Variants in GDAP2 observed in about 807,000 individuals in gnomAD.
GDAP2 encodes ganglioside induced differentiation associated protein 2.
In GDAP2, 51 loss-of-function variants were observed where a neutral mutation model predicts 67.0. That is an observed-to-expected ratio of 0.76 (90% CI 0.61 to 0.96). The LOEUF is 0.96. Among genes scored for constraint, GDAP2 ranks in the 40% least tolerant of loss-of-function variants. GDAP2 has a pLI of 0.00. For missense variants in GDAP2, 547 were observed against 588.3 expected (o/e 0.93, Z 0.73); for synonymous variants, 203 against 207.3 (o/e 0.98, Z 0.18).
Position 117,878,082 on chromosome 1 carries a change from A to G in GDAP2, c.1373T>C (p.Leu458Pro). 6.2e-7 allele frequency: 1 copy of G among 1,612,328 alleles called. No individual in the cohort carries two copies. Among genetic ancestry groups the G allele is most frequent in the Non-Finnish European group, 8.5e-7 (1 of 1,178,478 alleles). The change falls in exon 13 of 14, where the codon CTC becomes CCC. Residue 458 changes from leucine (L) to proline (P), a missense_variant. Transcript: ENST00000369443. ...LKDKIHHVDS[L>P]HQLFSAISPE... The stretch of plus-strand genomic sequence containing the variant: ...TGATATGGCAGAAAACAGCTGGTGG[A>G]GGCTGTCCACATGGTGGATTTTGTC...
At chr1:117,915,840 T>C (rs17037748) in intron 3 of GDAP2, among the ~76,000 whole-genome samples, 10,680 of 152,184 alleles carry the variant, frequency 0.07, 853 homozygotes, top group East Asian at 0.28. Flanking sequence ...AATTGACATA[T>C]GGTTTTATGT....
intron 13 of GDAP2, among the ~76,000 whole-genome samples, chr1:117,875,708 C>T (rs1250702414): frequency 6.6e-6 from 1 of 152,184 alleles, no homozygotes; most frequent in African/African-American, 2.4e-5. Flanking sequence ...GCCCAGTATG[C>T]AGAACATAAA....
chr1:117,921,865 G>C (rs765255324), intron 1 of GDAP2, among the ~76,000 whole-genome samples: 15 of 152,138 alleles, frequency 9.9e-5, no homozygotes, highest in Non-Finnish European at 1.8e-4. Context: ...AGAAATGTTA[G>C]ATTTGGAATG....
Position 117,906,240 on chromosome 1 carries a change from G to A in GDAP2, c.636+266C>T, listed in dbSNP as rs1649653229. On this transcript the variant is annotated intron_variant, in intron 6 of 13. Transcript: ENST00000369443. ...GGTGTTGCTTTGAGAGCTAACACAA[G>A]GGCCAAGCAGAACAACTCCACTTTG... 1.3e-5 allele frequency among the ~76,000 whole-genome samples: 2 copies of A among 152,164 alleles called. 1 individual carries two copies. Among genetic ancestry groups the A allele is most frequent in the Admixed American group, 1.3e-4 (2 of 15,278 alleles).
At chr1:117,922,945 C>T (rs530021887) in intron 1 of GDAP2, among the ~76,000 whole-genome samples, 6 of 152,334 alleles carry the variant, frequency 3.9e-5, no homozygotes, top group South Asian at 2.1e-4. Context: ...GACACTCCCA[C>T]GGTGGACATT....
At chr1:117,923,991 A>G (rs1317251352) in intron 1 of GDAP2, among the ~76,000 whole-genome samples, 1 of 152,194 alleles carries the variant, frequency 6.6e-6, no homozygotes, top group East Asian at 1.9e-4. Context: ...TTGCTTGCAT[A>G]TTCATGCATA....
chr1:117,916,972 T>A (rs931716198), intron 3 of GDAP2, among the ~76,000 whole-genome samples: 9 of 151,216 alleles, frequency 6.0e-5, no homozygotes, highest in Non-Finnish European at 1.3e-4. Flanking sequence ...AGGCGGAGGT[T>A]GTGGTGAGCC....
intron 13 of GDAP2, among the ~76,000 whole-genome samples, chr1:117,876,560 CA>C (rs1344111597): frequency 5.8e-4 from 88 of 152,250 alleles, no homozygotes; most frequent in African/African-American, 2.0e-3. Context: ...AAAGCTCTAG[CA>C]TAGGTACAAA....
rs1648142260 is a variant in GDAP2, at chr1:117,868,245, C to T, written c.*2324G>A. 1 of 152,210 alleles carries T rather than the reference C, an allele frequency of 6.6e-6. No homozygotes were observed. Among genetic ancestry groups the T allele is most frequent in the African/African-American group, 2.4e-5 (1 of 41,448 alleles). 9.4% of individuals were successfully genotyped at this position (152,210 alleles called of 1,614,324 possible). A position where few individuals can be genotyped will look rare whatever the true frequency, so the allele number is the denominator to read the frequency against. On this transcript the variant is annotated 3_prime_UTR_variant, in exon 14 of 14. Transcript: ENST00000369443. ...TTTGAAGCAACTTCATTCTATAACA[C>T]TTTAGACATCTATAAAAGCATGAAC...
chr1:117,917,813 C>T (rs934888444), intron 3 of GDAP2, among the ~76,000 whole-genome samples: 1 of 152,208 alleles, frequency 6.6e-6, no homozygotes, highest in Non-Finnish European at 1.5e-5. Flanking sequence ...ACCAGCTTCT[C>T]TGTTCCTTTC....
At chr1:117,917,421 T>C (rs1650086185) in intron 3 of GDAP2, among the ~76,000 whole-genome samples, 1 of 152,232 alleles carries the variant, frequency 6.6e-6, no homozygotes, top group African/African-American at 2.4e-5. Flanking sequence ...TAATAACTAA[T>C]ACTTGTTGAA....
At position 117,870,304 on chromosome 1, in the gene GDAP2, G is replaced by T. The variant is rs1648211014; in HGVS notation, c.*265C>A. 4.4e-6 allele frequency: 2 copies of T among 456,458 alleles called. No individual in the cohort carries two copies. Among genetic ancestry groups the T allele is most frequent in the African/African-American group, 4.1e-5 (2 of 49,338 alleles). 28.3% of individuals were successfully genotyped at this position (456,458 alleles called of 1,614,324 possible). On this transcript the variant is annotated 3_prime_UTR_variant, in exon 14 of 14. Transcript: ENST00000369443. ...AGGAAACTAAAGATACTCAAAAGTTGCTCCCCAATTTCTATTAACAATCTA... is the reference window on the plus strand; with the variant it reads ...AGGAAACTAAAGATACTCAAAAGTTTCTCCCCAATTTCTATTAACAATCTA...
chr1:117,911,122 G>C (rs1161196806), intron 5 of GDAP2, among the ~76,000 whole-genome samples: 2 of 152,156 alleles, frequency 1.3e-5, no homozygotes, highest in Non-Finnish European at 2.9e-5. Flanking sequence ...CACCACTACT[G>C]TTTCAAACTG....
chr1:117,890,375 T>C (rs1649029724), intron 8 of GDAP2, among the ~76,000 whole-genome samples: 1 of 152,138 alleles, frequency 6.6e-6, no homozygotes, highest in African/African-American at 2.4e-5. Context: ...CTCTCATTTC[T>C]AGCCAATTCC....
intron 6 of GDAP2, among the ~76,000 whole-genome samples, chr1:117,901,380 C>T (rs1649463922): frequency 6.6e-6 from 1 of 152,194 alleles, no homozygotes; most frequent in African/African-American, 2.4e-5. Context: ...CTGTATACAC[C>T]TAACAGTCAA....
chr1:117,887,602 CA>C, intron 9 of GDAP2, 95 bp downstream of exon 9: 1 of 775,022 alleles, frequency 1.3e-6, no homozygotes, highest in Non-Finnish European at 2.4e-6. Context: ...TTCATAGATA[CA>C]ATAAATGAAA....
intron 13 of GDAP2, 41 bp downstream of exon 13, chr1:117,877,968 T>C: frequency 1.2e-6 from 2 of 1,610,940 alleles, no homozygotes; most frequent in Non-Finnish European, 1.7e-6. Flanking sequence ...GAACAGTTAA[T>C]ATACCATACC....
At chr1:117,921,553 T>C (rs1335426790) in intron 1 of GDAP2, among the ~76,000 whole-genome samples, 19 of 152,084 alleles carry the variant, frequency 1.2e-4, no homozygotes, top group Admixed American at 1.2e-3. Flanking sequence ...TCTTGGTATA[T>C]TACAGGAGGA....
chr1:117,918,563 C>T, intron 3 of GDAP2, 34 bp downstream of exon 3: 6 of 1,510,366 alleles, frequency 4.0e-6, no homozygotes, highest in Non-Finnish European at 5.5e-6. Flanking sequence ...TGAATGTTTT[C>T]TAAGCAATAA....
Sources: allele counts gnomAD v4.1 joint callset (sites outside exome capture counted in the v4.1 genomes callset), GRCh38; gene constraint gnomAD v4.1.1; transcripts MANE v1.5; gene names NCBI Gene and HGNC (gene_info 2026-07-23, HGNC 2026-07-21).